The following RALGPS1 variants were observed in gnomAD, a reference collection of about 807,000 sequenced individuals.
The protein encoded by RALGPS1 is Ral GEF with PH domain and SH3 binding motif 1, also known as ras-specific guanine nucleotide-releasing factor RalGPS1.
In RALGPS1, 19 loss-of-function variants were observed where a neutral mutation model predicts 78.8. The ratio of observed to expected loss-of-function variants is 0.24; its 90% confidence interval spans 0.17 to 0.35. The LOEUF (loss-of-function observed/expected upper bound fraction) is 0.35, where lower values mean the gene tolerates loss of function less well. Ranked by LOEUF, RALGPS1 falls within the 10% of genes least tolerant of loss-of-function variation. The pLI, the probability that RALGPS1 is intolerant of heterozygous loss-of-function variation, is 1.00. For missense variants in RALGPS1, 454 were observed against 688.3 expected, an observed-to-expected ratio of 0.66 and a Z score of 3.81; for synonymous variants, 228 against 256.3, an observed-to-expected ratio of 0.89 and a Z score of 1.06.
chr9:127,108,298 A>C, intron 8 of RALGPS1: 1 of 1,613,552 alleles, frequency 6.2e-7, no homozygotes. Context: ...CTTGCGGATG[A>C]TCTCGTGCAG....
chr9:127,104,243 C>T (rs2054007181), intron 8 of RALGPS1, among the ~76,000 whole-genome samples: 1 of 152,186 alleles, frequency 6.6e-6, no homozygotes, highest in Non-Finnish European at 1.5e-5. Context: ...TGACAAAGCC[C>T]GTCTGTGGCA....
rs549673980 is a variant in RALGPS1 at position 127,177,988 on chromosome 9, A to G, written c.910+3206A>G. ...TGGACCCCAGATGGTTCACATGAAG[A>G]GACTTTAATGAACAGAACCAATAAA... On this transcript the variant is annotated intron_variant, in intron 11 of 18. Transcript: ENST00000259351. 22 of 1,542,390 alleles carry G rather than the reference A, an allele frequency of 1.4e-5. 2 individuals carry two copies. In the African/African-American group the frequency reaches 1.6e-4, roughly 12 times the overall value.
intron 4 of RALGPS1, among the ~76,000 whole-genome samples, chr9:126,981,257 T>C (rs1017572354): frequency 6.6e-6 from 1 of 152,220 alleles, no homozygotes; most frequent in African/African-American, 2.4e-5. Flanking sequence ...AGAAGAATGT[T>C]CCAGGTTGTG....
At chr9:126,954,156 C>T (rs1377361188) in intron 1 of RALGPS1, among the ~76,000 whole-genome samples, 4 of 152,212 alleles carry the variant, frequency 2.6e-5, no homozygotes, top group African/African-American at 9.7e-5. Context: ...CGGTGAACCA[C>T]CTAGTGGGTG....
In RALGPS1 at chr9:127,026,616, A is replaced by T. The variant is rs535636826; in HGVS notation, c.217-7815A>T. On this transcript the variant is annotated intron_variant, in intron 4 of 18. Coordinates refer to ENST00000259351, the MANE Select transcript of RALGPS1 (RefSeq NM_014636.3). ...TAAGTACGTTAGAGGGGTTTTTTCT[A>T]AGTTTTTGTTTCTTTTTCTTCCAAA... Among the ~76,000 whole-genome samples the T allele has an allele frequency of 2.0e-5, 3 of 152,044 alleles. No homozygotes were observed. The East Asian group carries it at 5.8e-4, about 29-fold the overall frequency.
chr9:127,196,995 A>G (rs533847986), intron 13 of RALGPS1, among the ~76,000 whole-genome samples: 19 of 152,294 alleles, frequency 1.2e-4, no homozygotes, highest in South Asian at 1.2e-3. Context: ...CATGACCCAC[A>G]GGGCCCTGCA....
chr9:127,019,507 T>G (rs1043683163), intron 4 of RALGPS1, among the ~76,000 whole-genome samples: 7 of 152,034 alleles, frequency 4.6e-5, no homozygotes, highest in African/African-American at 1.7e-4. Flanking sequence ...TTTTGTATTT[T>G]TAGTAGAGAC....
intron 3 of RALGPS1, among the ~76,000 whole-genome samples, chr9:126,974,835 C>A (rs992170175): frequency 6.6e-6 from 1 of 151,972 alleles, no homozygotes; most frequent in Non-Finnish European, 1.5e-5. Context: ...CTAGAAAATG[C>A]CTTTTCTCTC....
intron 11 of RALGPS1, chr9:127,178,675 G>C (rs908555160): frequency 6.1e-6 from 1 of 164,468 alleles, no homozygotes; most frequent in African/African-American, 2.4e-5. Context: ...TCCACCCTCT[G>C]TTTTCATATG....
At chr9:127,089,168 C>T (rs2052144171) in intron 8 of RALGPS1, 1 of 1,611,960 alleles carries the variant, frequency 6.2e-7, no homozygotes. Context: ...GAGAGGGTGT[C>T]TGGGAGGAGG....
intron 1 of RALGPS1, among the ~76,000 whole-genome samples, chr9:126,921,458 A>G (rs2034745794): frequency 1.3e-5 from 2 of 152,220 alleles, no homozygotes; most frequent in African/African-American, 2.4e-5. Flanking sequence ...AAGGAGAGGC[A>G]TGAGTTGTAC....
intron 1 of RALGPS1, among the ~76,000 whole-genome samples, chr9:126,958,138 A>ATATATATAT (rs1447685873): frequency 1.2e-5 from 1 of 86,336 alleles, no homozygotes; most frequent in Admixed American, 1.1e-4. Context: ...AAAAAAAAAA[A>ATATATATAT]AAAAATATAT....
intron 2 of RALGPS1, among the ~76,000 whole-genome samples, chr9:126,964,721 T>C (rs1283955465): frequency 6.6e-6 from 1 of 152,190 alleles, no homozygotes; most frequent in African/African-American, 2.4e-5. Context: ...CACAGGCCTA[T>C]CGAAATCTGC....
intron 4 of RALGPS1, among the ~76,000 whole-genome samples, chr9:127,028,862 G>A (rs2046178397): frequency 6.6e-6 from 1 of 152,122 alleles, no homozygotes; most frequent in Admixed American, 6.5e-5. Flanking sequence ...ACACAGCCAG[G>A]GAATCAGCCT....
At chr9:126,958,886 C>T (rs1428167757) in intron 1 of RALGPS1, among the ~76,000 whole-genome samples, 1 of 152,110 alleles carries the variant, frequency 6.6e-6, no homozygotes, top group Non-Finnish European at 1.5e-5. Flanking sequence ...CCACCAGCAA[C>T]GCGTGAGGGT....
chr9:126,931,623 A>C (rs985125332), intron 1 of RALGPS1, among the ~76,000 whole-genome samples: 1 of 152,026 alleles, frequency 6.6e-6, no homozygotes, highest in Non-Finnish European at 1.5e-5. Context: ...TGGCAGGGGG[A>C]GTGGGGAGTA....
At chr9:126,945,396 CGCCATGTTA>C (rs1030634263) in intron 1 of RALGPS1, among the ~76,000 whole-genome samples, 2 of 152,102 alleles carry the variant, frequency 1.3e-5, no homozygotes, top group African/African-American at 4.8e-5. Context: ...GACGGGGTTT[CGCCATGTTA>C]GCCAGGCAGA....
chr9:127,048,364 A>G (rs2047999868), intron 5 of RALGPS1, among the ~76,000 whole-genome samples: 1 of 152,120 alleles, frequency 6.6e-6, no homozygotes, highest in African/African-American at 2.4e-5. Flanking sequence ...TTCCTCTGTC[A>G]TTACCTCTCT....
In RALGPS1 at chr9:127,130,115, G is replaced by A. The variant is rs111356091; in HGVS notation, c.611-35954G>A. 4.4e-3 allele frequency among the ~76,000 whole-genome samples: 673 copies of A among 152,296 alleles called. 4 individuals carry two copies. Among genetic ancestry groups the A allele is most frequent in the African/African-American group, 0.015 (636 of 41,554 alleles). Reference sequence around the variant, plus strand: ...GGACCATAGGTGACTTGGTCGAGTCGATAGGAGTCAGCTAGGCTTGGGTTT... The same window carrying A: ...GGACCATAGGTGACTTGGTCGAGTCAATAGGAGTCAGCTAGGCTTGGGTTT... On this transcript the variant is annotated intron_variant, in intron 8 of 18. Transcript: ENST00000259351.
Sources: allele counts gnomAD v4.1 joint callset (sites outside exome capture counted in the v4.1 genomes callset), GRCh38; gene constraint gnomAD v4.1.1; transcripts MANE v1.5; gene names NCBI Gene and HGNC (gene_info 2026-07-23, HGNC 2026-07-21).